Variants in WLS observed in about 807,000 individuals in gnomAD.
WLS encodes Wnt ligand secretion mediator, also known as protein wntless homolog.
Under a neutral mutation model 62.8 loss-of-function variants are expected in WLS, and 23 were observed. The ratio of observed to expected loss-of-function variants is 0.37; its 90% CI spans 0.26 to 0.52. WLS has a LOEUF of 0.52. Ranked by LOEUF, WLS falls within the 20% of genes least tolerant of loss-of-function variation. The pLI, the probability that WLS is intolerant of heterozygous loss-of-function variation, is 0.92. For synonymous variants in WLS, 246 were observed against 244.1 expected, an observed-to-expected ratio of 1.01 and a Z score of -0.07; for missense variants, 615 against 697.3, an observed-to-expected ratio of 0.88 and a Z score of 1.33.
At chr1:68,147,185 A>AT (rs1374126607) in intron 8 of WLS, among the ~76,000 whole-genome samples, 2 of 152,182 alleles carry the variant, frequency 1.3e-5, no homozygotes, top group Admixed American at 6.5e-5. Flanking sequence ...GAATATAGTT[A>AT]TTTTCTGCAG....
chr1:68,194,676 T>C (rs560365743), intron 1 of WLS, among the ~76,000 whole-genome samples: 1 of 152,178 alleles, frequency 6.6e-6, no homozygotes, highest in Non-Finnish European at 1.5e-5. Flanking sequence ...GTCAGTTAAA[T>C]CTGTAATAGC....
intron 1 of WLS, among the ~76,000 whole-genome samples, chr1:68,230,222 C>T (rs1238306094): frequency 6.6e-6 from 1 of 152,138 alleles, no homozygotes; most frequent in Non-Finnish European, 1.5e-5. Context: ...AACACACCAA[C>T]AAACACCAGG....
intron 2 of WLS, among the ~76,000 whole-genome samples, chr1:68,176,820 T>G (rs1172093395): frequency 6.6e-6 from 1 of 152,222 alleles, no homozygotes; most frequent in Non-Finnish European, 1.5e-5. Flanking sequence ...TAAAACTTTT[T>G]CTCCAGTAAC....
At chr1:68,181,389 CTCAT>C (rs1404497924) in intron 2 of WLS, among the ~76,000 whole-genome samples, 6 of 152,054 alleles carry the variant, frequency 3.9e-5, no homozygotes, top group African/African-American at 9.7e-5. Flanking sequence ...AGAGAATATC[CTCAT>C]TTATATTCTA....
intron 11 of WLS, among the ~76,000 whole-genome samples, chr1:68,110,944 A>G (rs1473135741): frequency 6.6e-6 from 1 of 152,160 alleles, no homozygotes; most frequent in Non-Finnish European, 1.5e-5. Flanking sequence ...AAACTTTTTG[A>G]AGAAATTTAG....
At position 68,171,728 on chromosome 1, in the gene WLS, G is replaced by A. The variant is rs7522613; in HGVS notation, c.380-12481C>T. 2.9e-3 allele frequency among the ~76,000 whole-genome samples: 438 copies of A among 152,296 alleles called. 8 individuals are homozygous for A. The highest frequency in any genetic ancestry group is 9.7e-3 in the African/African-American group (404 of 41,558). ...ACACTGTTGGTAAGAGTGTAAATTA[G>A]TTCAACCATTGTGGAAGACAGTGTG... On this transcript the variant is annotated intron_variant, in intron 2 of 11. Transcript: ENST00000262348.
At chr1:68,171,176 G>A (rs772416697) in intron 2 of WLS, among the ~76,000 whole-genome samples, 4 of 151,874 alleles carry the variant, frequency 2.6e-5, no homozygotes, top group South Asian at 2.1e-4. Context: ...TGGTGTCCTC[G>A]CACAAGATTG....
intron 11 of WLS, among the ~76,000 whole-genome samples, chr1:68,107,509 C>T (rs909190580): frequency 1.3e-5 from 2 of 152,170 alleles, no homozygotes; most frequent in African/African-American, 4.8e-5. Flanking sequence ...ACCTCTTTGC[C>T]TCAGTATCCT....
chr1:68,209,689 A>C (rs1416645351), intron 1 of WLS, among the ~76,000 whole-genome samples: 1 of 152,200 alleles, frequency 6.6e-6, no homozygotes, highest in East Asian at 1.9e-4. Flanking sequence ...CTGAGGCAGG[A>C]GAAATCACTT....
chr1:68,217,076 C>A (rs1267448400), intron 1 of WLS, among the ~76,000 whole-genome samples: 1 of 152,120 alleles, frequency 6.6e-6, no homozygotes, highest in Admixed American at 6.6e-5. Context: ...CTTTTTAAAT[C>A]CCCACCCCAA....
intron 11 of WLS, among the ~76,000 whole-genome samples, chr1:68,130,560 CA>C (rs1371657515): frequency 3.9e-5 from 6 of 152,182 alleles, no homozygotes; most frequent in African/African-American, 7.2e-5. Context: ...AAGCTAAGTT[CA>C]AATGATAACT....
chr1:68,189,611 T>A (rs1296280843), intron 2 of WLS, among the ~76,000 whole-genome samples: 1 of 152,224 alleles, frequency 6.6e-6, no homozygotes, highest in African/African-American at 2.4e-5. Context: ...GCTTCTTTTA[T>A]AAAGACTAAT....
At chr1:68,110,025 A>C (rs1204248322) in intron 11 of WLS, among the ~76,000 whole-genome samples, 2 of 136,422 alleles carry the variant, frequency 1.5e-5, no homozygotes, top group African/African-American at 2.6e-5. Context: ...AAAAAAAAAA[A>C]AAAAAAAAAA....
At chr1:68,107,287 G>T (rs1237224463) in intron 11 of WLS, among the ~76,000 whole-genome samples, 2 of 123,620 alleles carry the variant, frequency 1.6e-5, no homozygotes, top group Admixed American at 8.3e-5. Context: ...CTCCATTGTT[G>T]AATAGCTAGA....
At chr1:68,132,200 C>T (rs755628735) in intron 11 of WLS, among the ~76,000 whole-genome samples, 6 of 152,142 alleles carry the variant, frequency 3.9e-5, no homozygotes, top group Non-Finnish European at 7.3e-5. Context: ...AGGCAGGGGG[C>T]AGAAGACACC....
intron 1 of WLS, among the ~76,000 whole-genome samples, chr1:68,222,408 TAAG>T (rs770733631): frequency 6.6e-6 from 1 of 152,184 alleles, no homozygotes; most frequent in Non-Finnish European, 1.5e-5. Flanking sequence ...CTAAGTATAT[TAAG>T]GATACAAAGG....
At chr1:68,134,243 G>A (rs1000465765) in intron 11 of WLS, among the ~76,000 whole-genome samples, 10 of 152,136 alleles carry the variant, frequency 6.6e-5, no homozygotes, top group Admixed American at 3.9e-4. Flanking sequence ...AGGATACATC[G>A]TGTGATCTGG....
chr1:68,182,007 C>A (rs961840561), intron 2 of WLS, among the ~76,000 whole-genome samples: 16 of 152,146 alleles, frequency 1.1e-4, no homozygotes, highest in African/African-American at 1.4e-4. Flanking sequence ...TGTTTAGTAA[C>A]AATTTCTGCA....
At chr1:68,187,824 A>G (rs902793448) in intron 2 of WLS, among the ~76,000 whole-genome samples, 3 of 152,212 alleles carry the variant, frequency 2.0e-5, no homozygotes, top group Non-Finnish European at 2.9e-5. Context: ...ATTTCACATT[A>G]CTGGGAAAGT....
Sources: gnomAD v4.1 joint callset for allele counts (sites outside exome capture counted in the v4.1 genomes callset) on GRCh38, gnomAD v4.1.1 for gene constraint, MANE v1.5 for transcripts, NCBI Gene and HGNC (gene_info 2026-07-23, HGNC 2026-07-21) for gene names.